The following CACNA2D3 variants were observed in gnomAD, a reference collection of about 807,000 sequenced individuals.
CACNA2D3 encodes voltage-dependent calcium channel subunit alpha-2/delta-3.
In CACNA2D3, 60 loss-of-function variants were observed where a neutral mutation model predicts 160.6. The observed-to-expected ratio is 0.37, with a 90% CI of 0.30 to 0.46. The LOEUF (loss-of-function observed/expected upper bound fraction) is 0.46, where lower values mean the gene tolerates loss of function less well. Ranked by LOEUF, CACNA2D3 falls within the 20% of genes least tolerant of loss-of-function variation. The probability of loss-of-function intolerance (pLI) is 1.00; values close to 1 mark genes in which losing one functional copy is unlikely to be tolerated. For synonymous variants in CACNA2D3, 558 were observed against 492.9 expected (o/e 1.13, Z -1.75); for missense variants, 1,205 against 1,365.0 (o/e 0.88, Z 1.85).
At chr3:54,873,178 G>A (rs1225756982) in intron 18 of CACNA2D3, among the ~76,000 whole-genome samples, 2 of 152,072 alleles carry the variant, frequency 1.3e-5, no homozygotes, top group Non-Finnish European at 2.9e-5. Flanking sequence ...TGGATTAATA[G>A]ATTGAAAAAC....
intron 2 of CACNA2D3, among the ~76,000 whole-genome samples, chr3:54,278,819 C>T (rs1254849503): frequency 1.3e-5 from 2 of 151,998 alleles, no homozygotes; most frequent in African/African-American, 4.8e-5. Context: ...GAACATCACA[C>T]ACCAGGGCCT....
At chr3:54,348,993 G>T (rs993661658) in intron 3 of CACNA2D3, among the ~76,000 whole-genome samples, 16 of 152,158 alleles carry the variant, frequency 1.1e-4, no homozygotes, top group Non-Finnish European at 2.4e-4. Flanking sequence ...CTCCCAAAGT[G>T]CTGGGATTAC....
rs144153062 is a variant in CACNA2D3, at chr3:54,163,756, G to A, written c.204+40162G>A. On this transcript the variant is annotated intron_variant, in intron 2 of 37. Transcript: ENST00000474759. ...CACACTGCAGCTGCAAGGACAGTGA[G>A]GAGGGAGATGGCCATGGTGCCTTGG... is the stretch of plus-strand genomic sequence containing the variant. Among the ~76,000 whole-genome samples the A allele has an allele frequency of 2.0e-3, 298 of 152,344 alleles. 1 individual carries two copies. The highest frequency in any genetic ancestry group is 6.5e-3 in the African/African-American group (270 of 41,576).
intron 2 of CACNA2D3, among the ~76,000 whole-genome samples, chr3:54,292,206 G>T (rs997099483): frequency 1.7e-4 from 26 of 152,124 alleles, no homozygotes; most frequent in African/African-American, 6.0e-4. Context: ...CCAAATTTAA[G>T]AGCTAAAACT....
chr3:54,947,571 T>TC (rs1311355702), intron 27 of CACNA2D3, among the ~76,000 whole-genome samples: 2 of 152,040 alleles, frequency 1.3e-5, no homozygotes, highest in African/African-American at 2.4e-5. Flanking sequence ...GTGCTAGATG[T>TC]CCCCACAGTG....
intron 12 of CACNA2D3, among the ~76,000 whole-genome samples, chr3:54,755,857 G>A (rs1701959670): frequency 6.6e-6 from 1 of 151,718 alleles, no homozygotes; most frequent in African/African-American, 2.4e-5. Context: ...TGCCACATCA[G>A]ATTGCAATTC....
chr3:54,604,100 G>A (rs1703115063), intron 9 of CACNA2D3, among the ~76,000 whole-genome samples: 1 of 151,992 alleles, frequency 6.6e-6, no homozygotes, highest in Non-Finnish European at 1.5e-5. Flanking sequence ...ATTTGGATTT[G>A]TTTAATTCCT....
At chr3:54,347,701 G>A (rs1317433803) in intron 3 of CACNA2D3, among the ~76,000 whole-genome samples, 1 of 151,772 alleles carries the variant, frequency 6.6e-6, no homozygotes, top group Non-Finnish European at 1.5e-5. Context: ...TTCATAGAAG[G>A]CTCCTTTAGG....
At chr3:54,707,902 T>G (rs1700886789) in intron 11 of CACNA2D3, among the ~76,000 whole-genome samples, 1 of 152,190 alleles carries the variant, frequency 6.6e-6, no homozygotes, top group Non-Finnish European at 1.5e-5. Flanking sequence ...CCCTTCCAAA[T>G]CCTGTTTTCA....
chr3:54,732,706 A>G (rs1032659758), intron 11 of CACNA2D3, among the ~76,000 whole-genome samples: 4 of 152,234 alleles, frequency 2.6e-5, no homozygotes, highest in South Asian at 2.1e-4. Flanking sequence ...GAGCCTCCTT[A>G]GGAAGTCCCA....
chr3:54,496,039 T>C (rs1041976287), intron 4 of CACNA2D3, among the ~76,000 whole-genome samples: 4 of 152,240 alleles, frequency 2.6e-5, no homozygotes, highest in African/African-American at 9.6e-5. Flanking sequence ...CACAGATTTG[T>C]TAATCCTTTA....
chr3:54,809,255 T>C (rs527278909), intron 13 of CACNA2D3, among the ~76,000 whole-genome samples: 15 of 149,078 alleles, frequency 1.0e-4, no homozygotes, highest in South Asian at 2.2e-4. Context: ...TCTCTTCCTT[T>C]CTTCCTTCCT....
chr3:54,720,352 T>C (rs1011877813), intron 11 of CACNA2D3, among the ~76,000 whole-genome samples: 1 of 152,114 alleles, frequency 6.6e-6, no homozygotes, highest in African/African-American at 2.4e-5. Context: ...TAATTTTTAT[T>C]GTGAACTTTA....
intron 3 of CACNA2D3, chr3:54,386,087 G>C (rs114288882): frequency 2.5e-6 from 1 of 393,076 alleles, no homozygotes; most frequent in African/African-American, 2.1e-5. Context: ...GTTGAATTTC[G>C]CTGGCTGAGA....
At chr3:54,564,231 A>T (rs1702373541) in intron 6 of CACNA2D3, among the ~76,000 whole-genome samples, 4 of 152,210 alleles carry the variant, frequency 2.6e-5, no homozygotes, top group Admixed American at 2.6e-4. Flanking sequence ...TGTCTCCTCC[A>T]ACAGGGAGTC....
chr3:54,677,624 G>C (rs1454507556), intron 11 of CACNA2D3, among the ~76,000 whole-genome samples: 2 of 149,786 alleles, frequency 1.3e-5, no homozygotes, highest in African/African-American at 2.5e-5. Context: ...TTTTTTTGGG[G>C]GGGGGGCAAC....
At chr3:54,155,694 C>G (rs1307029484) in intron 2 of CACNA2D3, among the ~76,000 whole-genome samples, 5 of 152,132 alleles carry the variant, frequency 3.3e-5, no homozygotes, top group Non-Finnish European at 5.9e-5. Context: ...TGTATGTTAT[C>G]TAACGTTGGG....
intron 11 of CACNA2D3, among the ~76,000 whole-genome samples, chr3:54,678,099 G>T (rs948175819): frequency 2.0e-5 from 3 of 152,236 alleles, no homozygotes; most frequent in African/African-American, 4.8e-5. Context: ...TGAATCTAAG[G>T]GGTCTGGAAA....
At chr3:54,360,343 C>T (rs1047608029) in intron 3 of CACNA2D3, among the ~76,000 whole-genome samples, 1 of 152,150 alleles carries the variant, frequency 6.6e-6, no homozygotes, top group Non-Finnish European at 1.5e-5. Context: ...ACTATATATG[C>T]AAACAAAATT....
Sources: gnomAD v4.1 joint callset for allele counts (sites outside exome capture counted in the v4.1 genomes callset) on GRCh38, gnomAD v4.1.1 for gene constraint, MANE v1.5 for transcripts, NCBI Gene and HGNC (gene_info 2026-07-23, HGNC 2026-07-21) for gene names.